SNAP47: variants seen among roughly 807,000 people sequenced by gnomAD.
SNAP47 encodes the protein synaptosomal-associated protein 47.
SNAP47 carries 20 observed loss-of-function variants against 31.4 expected under a neutral mutation model. That is an observed-to-expected ratio of 0.64 (90% CI 0.45 to 0.93). SNAP47 has a LOEUF of 0.93. Among genes scored for constraint, SNAP47 ranks in the 40% least tolerant of loss-of-function variants. SNAP47 has a pLI of 0.00. For synonymous variants in SNAP47, 194 were observed against 213.4 expected (o/e 0.91, Z 0.79); for missense variants, 492 against 528.5 (o/e 0.93, Z 0.68).
chr1:227,751,756 T>C lies in SNAP47; in HGVS notation c.497+3523T>C, dbSNP rs535288415. Among the ~76,000 whole-genome samples, 93 of 59,288 alleles carry C rather than the reference T, an allele frequency of 1.6e-3. No individual in the cohort carries two copies. The South Asian group carries it at 0.022, about 14-fold the overall frequency. The allele number at this position is 59,288 out of a possible 152,430, so 38.9% of individuals were successfully genotyped here. ...ACATAAAGACTTGGTTTTTTTTTTT[T>C]TTTTTTTTTTTTTTTTTTTTTTTTT... On this transcript the variant is annotated intron_variant, in intron 2 of 4. Transcript: ENST00000617596.
rs1355721895 is a variant in SNAP47 at position 227,762,331 on chromosome 1, G to A, written c.988+2846G>A. On this transcript the variant is annotated intron_variant, in intron 3 of 4. Transcript: ENST00000617596. This position sits in a 1 kb window ranked among gnomAD's most constrained non-coding sequence, Gnocchi z 4.2. ...AGAGGCTCCATGCAGGGGTTGGAGCGTGTGGTGCCCTGCCTGGTGCTATGT... is the reference window on the plus strand; with the variant it reads ...AGAGGCTCCATGCAGGGGTTGGAGCATGTGGTGCCCTGCCTGGTGCTATGT... Among the ~76,000 whole-genome samples, 2 of 152,218 alleles carry A rather than the reference G, an allele frequency of 1.3e-5. No homozygotes were observed. Among genetic ancestry groups the A allele is most frequent in the Admixed American group, 6.5e-5 (1 of 15,284 alleles).
intron 4 of SNAP47, among the ~76,000 whole-genome samples, chr1:227,771,168 CT>C (rs1420024633): frequency 6.6e-6 from 1 of 152,218 alleles, no homozygotes; most frequent in Non-Finnish European, 1.5e-5. Context: ...TACTTTCCTG[CT>C]TTTCCAGGCT....
intron 4 of SNAP47, among the ~76,000 whole-genome samples, chr1:227,779,479 C>T (rs1262704833): frequency 1.3e-5 from 2 of 152,212 alleles, no homozygotes; most frequent in Non-Finnish European, 2.9e-5. Flanking sequence ...CCCTCAAGAT[C>T]ACCACGCCCT....
chr1:227,752,869 T>C (rs1662465398), intron 2 of SNAP47, among the ~76,000 whole-genome samples: 1 of 152,228 alleles, frequency 6.6e-6, no homozygotes, highest in South Asian at 2.1e-4. Context: ...GCTTTCTTGG[T>C]CAATGCCTTG....
intron 1 of SNAP47, among the ~76,000 whole-genome samples, chr1:227,743,246 A>T (rs1422282718): frequency 6.6e-6 from 1 of 152,118 alleles, no homozygotes; most frequent in East Asian, 1.9e-4. Context: ...CCACCCACGG[A>T]TCTGCTTGGC....
chr1:227,766,243 G>T (rs538063304), intron 3 of SNAP47, among the ~76,000 whole-genome samples: 8 of 152,316 alleles, frequency 5.3e-5, no homozygotes, highest in African/African-American at 1.9e-4. Flanking sequence ...GTAAATGACG[G>T]CTGCACCAGA....
intron 3 of SNAP47, among the ~76,000 whole-genome samples, chr1:227,760,587 C>T (rs1484743370): frequency 3.9e-5 from 6 of 152,296 alleles, no homozygotes; most frequent in Middle Eastern, 3.4e-3. Flanking sequence ...AGCACAGGAC[C>T]GAGGCTTATG....
At chr1:227,752,828 C>T (rs972431845) in intron 2 of SNAP47, among the ~76,000 whole-genome samples, 8 of 150,544 alleles carry the variant, frequency 5.3e-5, no homozygotes, top group African/African-American at 1.9e-4. Flanking sequence ...CTTGTGAAAC[C>T]TGCAGAGTCT....
At chr1:227,767,107 C>T (rs747594192) in intron 4 of SNAP47, 24 bp downstream of exon 4, 1 of 1,613,464 alleles carries the variant, frequency 6.2e-7, no homozygotes, top group East Asian at 2.2e-5. Flanking sequence ...AGTGCCATGC[C>T]AGCCAGCGCT....
At chr1:227,734,132 C>G, upstream of SNAP47, 2 of 1,372,560 alleles carry the variant, frequency 1.5e-6, no homozygotes, top group Non-Finnish European at 2.0e-6. Flanking sequence ...TCCAGTGGAG[C>G]TTCCAGATGG....
intron 4 of SNAP47, among the ~76,000 whole-genome samples, chr1:227,770,968 G>A (rs943429462): frequency 6.6e-6 from 1 of 152,222 alleles, no homozygotes. Context: ...TGTGGAGCAG[G>A]CGAGTTGGAG....
At chr1:227,772,388 C>T (rs988533836) in intron 4 of SNAP47, among the ~76,000 whole-genome samples, 3 of 151,562 alleles carry the variant, frequency 2.0e-5, no homozygotes, top group African/African-American at 7.3e-5. Flanking sequence ...GCCTGCCACT[C>T]TGGGTTCCTT....
chr1:227,773,663 T>C (rs1663974370), intron 4 of SNAP47, among the ~76,000 whole-genome samples: 1 of 152,252 alleles, frequency 6.6e-6, no homozygotes, highest in South Asian at 2.1e-4. Flanking sequence ...GCTGCACATT[T>C]ACGGCACCTT....
At chr1:227,774,449 C>T (rs1212678715) in intron 4 of SNAP47, among the ~76,000 whole-genome samples, 1 of 152,156 alleles carries the variant, frequency 6.6e-6, no homozygotes, top group African/African-American at 2.4e-5. Flanking sequence ...CAGAGTGGCC[C>T]TCAATGGCAG....
rs558043773 is a variant in SNAP47 at position 227,738,189 on chromosome 1, G to A, written c.-46+2690G>A. On this transcript the variant is annotated intron_variant, in intron 1 of 4. Transcript: ENST00000617596. ...CCTGAGTAGCGAAGATTACAGGCGCGCACCACCACGCCCAGCTAATTTTTG... is the reference window on the plus strand; with the variant it reads ...CCTGAGTAGCGAAGATTACAGGCGCACACCACCACGCCCAGCTAATTTTTG... Among the ~76,000 whole-genome samples, 147 of 151,992 alleles carry A rather than the reference G, an allele frequency of 9.7e-4. 3 individuals carry two copies. Among genetic ancestry groups the A allele is most frequent in the Admixed American group, 9.8e-4 (15 of 15,262 alleles).
At chr1:227,759,597 C>A in intron 3 of SNAP47, 112 bp downstream of exon 3, 1 of 1,418,964 alleles carries the variant, frequency 7.0e-7, no homozygotes, top group Non-Finnish European at 9.6e-7. Context: ...CAGCTGCTGG[C>A]CTCCAGCTTG....
intron 4 of SNAP47, among the ~76,000 whole-genome samples, chr1:227,774,430 G>A (rs1664032206): frequency 1.3e-5 from 2 of 152,166 alleles, no homozygotes; most frequent in African/African-American, 4.8e-5. Flanking sequence ...CACCGGGAGA[G>A]TGAGGCTGCA....
chr1:227,750,242 G>A (rs1401120241), intron 2 of SNAP47, among the ~76,000 whole-genome samples: 1 of 152,258 alleles, frequency 6.6e-6, no homozygotes, highest in African/African-American at 2.4e-5. Context: ...CCTAGTCAGA[G>A]TCTGCAGGGG....
chr1:227,734,789 CA>C (rs1660958497), upstream of SNAP47: 1 of 1,613,926 alleles, frequency 6.2e-7, no homozygotes, highest in Non-Finnish European at 8.5e-7. Flanking sequence ...CTGGACCCCA[CA>C]GTTTGCAACT....
Sources: gnomAD v4.1 joint callset for allele counts (sites outside exome capture counted in the v4.1 genomes callset) on GRCh38, gnomAD v4.1.1 for gene constraint, Gnocchi (gnomAD v3.1) non-coding constraint, MANE v1.5 for transcripts, NCBI Gene and HGNC (gene_info 2026-07-23, HGNC 2026-07-21) for gene names.